The following ABCG2 variants were observed in gnomAD, a reference collection of about 807,000 sequenced individuals.
The protein encoded by ABCG2 is ATP binding cassette subfamily G member 2 (JR blood group).
In ABCG2, 80 loss-of-function variants were observed where a neutral mutation model predicts 73.5. The observed-to-expected ratio is 1.09, with a 90% confidence interval of 0.91 to 1.31. The LOEUF is 1.31. Among genes scored for constraint, ABCG2 ranks in the 50% most tolerant of loss-of-function variants. ABCG2 has a pLI of 0.00. For missense variants in ABCG2, 796 were observed against 786.2 expected, an observed-to-expected ratio of 1.01 and a Z score of -0.15; for synonymous variants, 269 against 282.4, an observed-to-expected ratio of 0.95 and a Z score of 0.48.
At chr4:88,219,240 T>C (rs557160585) in intron 1 of ABCG2, among the ~76,000 whole-genome samples, 2 of 152,336 alleles carry the variant, frequency 1.3e-5, no homozygotes, top group South Asian at 4.1e-4. Flanking sequence ...TTTTTCTCAG[T>C]ACACTGTTCC....
At chr4:88,190,156 C>T (rs1195898423) in intron 1 of ABCG2, among the ~76,000 whole-genome samples, 1 of 151,918 alleles carries the variant, frequency 6.6e-6, no homozygotes, top group African/African-American at 2.4e-5. Context: ...TTTCTTTTTT[C>T]TTTTTAAAAC....
intron 2 of ABCG2, among the ~76,000 whole-genome samples, chr4:88,139,201 T>G (rs140607466): frequency 1.3e-3 from 204 of 151,622 alleles, no homozygotes; most frequent in African/African-American, 4.6e-3. Context: ...ATCAAGTTAC[T>G]CATCTACTAA....
At chr4:88,201,552 A>G (rs1729164428) in intron 1 of ABCG2, among the ~76,000 whole-genome samples, 2 of 152,208 alleles carry the variant, frequency 1.3e-5, no homozygotes, top group Admixed American at 6.5e-5. Flanking sequence ...GGCAAATTAT[A>G]TCAAACATTG....
chr4:88,151,761 T>C lies in ABCG2; in HGVS notation c.-20+6625A>G, dbSNP rs190846986. ...CTCAAAAAAAAAAAAAAAGAATTATTAACAGAAAATTAAATGTGAGCAGCG... is the reference window on the plus strand; with the variant it reads ...CTCAAAAAAAAAAAAAAAGAATTATCAACAGAAAATTAAATGTGAGCAGCG... On this transcript the variant is annotated intron_variant, in intron 1 of 15. Coordinates refer to ENST00000237612, the MANE Select transcript of ABCG2 (RefSeq NM_004827.3). Among the ~76,000 whole-genome samples, 570 of 151,744 alleles carry C rather than the reference T, an allele frequency of 3.8e-3. 3 individuals carry two copies. The highest frequency in any genetic ancestry group is 0.012 in the African/African-American group (511 of 41,358).
intron 1 of ABCG2, among the ~76,000 whole-genome samples, chr4:88,228,765 C>T (rs533352478): frequency 5.8e-4 from 88 of 152,016 alleles, no homozygotes; most frequent in African/African-American, 2.1e-3. Context: ...GTAAATGCAC[C>T]AATCAGCACT....
chr4:88,112,446 C>T (rs561741053), intron 9 of ABCG2, among the ~76,000 whole-genome samples: 1 of 149,900 alleles, frequency 6.7e-6, no homozygotes, highest in South Asian at 2.2e-4. Flanking sequence ...CTCTCTCTTC[C>T]TCCCCTTTCT....
At chr4:88,178,130 T>A (rs1728084855) in intron 1 of ABCG2, among the ~76,000 whole-genome samples, 2 of 152,132 alleles carry the variant, frequency 1.3e-5, no homozygotes, top group South Asian at 4.1e-4. Flanking sequence ...TTACCCAAGC[T>A]CAGGCAGTGC....
chr4:88,097,984 G>C (rs1371635472), intron 12 of ABCG2, among the ~76,000 whole-genome samples: 3 of 152,156 alleles, frequency 2.0e-5, no homozygotes, highest in Admixed American at 2.0e-4. Context: ...GTGAGTGAAG[G>C]GACTGGGACG....
chr4:88,219,551 C>T (rs1394260817), intron 1 of ABCG2, among the ~76,000 whole-genome samples: 1 of 142,248 alleles, frequency 7.0e-6, no homozygotes, highest in East Asian at 2.1e-4. Flanking sequence ...GTAAAATATT[C>T]ATAATATAAA....
At chr4:88,201,065 A>G (rs952080537) in intron 1 of ABCG2, among the ~76,000 whole-genome samples, 2 of 152,028 alleles carry the variant, frequency 1.3e-5, no homozygotes, top group Non-Finnish European at 2.9e-5. Flanking sequence ...GAGTAAATTA[A>G]AGACAAATTA....
At chr4:88,115,668 T>C (rs1194060400) in intron 7 of ABCG2, among the ~76,000 whole-genome samples, 1 of 151,304 alleles carries the variant, frequency 6.6e-6, no homozygotes, top group Non-Finnish European at 1.5e-5. Context: ...CAAGCCAACC[T>C]TGGATTTGCA....
rs561476288 is a variant in ABCG2 at position 88,217,566 on chromosome 4, G to A, written c.-20+13428C>T. Reference sequence around the variant, plus strand: ...AGTCCCAGCTACTCAGGAGGCTCAGGAGGGAGAATTGCTTGAACCCAGTAG... The same window carrying A: ...AGTCCCAGCTACTCAGGAGGCTCAGAAGGGAGAATTGCTTGAACCCAGTAG... On this transcript the variant is annotated intron_variant, in intron 1 of 15. Coordinates refer to the ABCG2 transcript ENST00000515655. Among the ~76,000 whole-genome samples, 46 of 152,108 alleles carry A rather than the reference G, an allele frequency of 3.0e-4. 1 individual carries two copies. The South Asian group carries it at 9.6e-3, about 32-fold the overall frequency.
chr4:88,138,048 A>G (rs1343552820), intron 2 of ABCG2, among the ~76,000 whole-genome samples: 2 of 152,158 alleles, frequency 1.3e-5, no homozygotes, highest in Non-Finnish European at 2.9e-5. Context: ...CCAGAGGCTG[A>G]GGCGGGAGAA....
chr4:88,184,394 C>T (rs914445816), intron 1 of ABCG2, among the ~76,000 whole-genome samples: 2 of 152,074 alleles, frequency 1.3e-5, no homozygotes, highest in African/African-American at 2.4e-5. Context: ...AAATCAGTAG[C>T]ATTTCTATAT....
At chr4:88,200,170 C>CA (rs1729101987) in intron 1 of ABCG2, among the ~76,000 whole-genome samples, 1 of 151,920 alleles carries the variant, frequency 6.6e-6, no homozygotes, top group East Asian at 2.0e-4. Flanking sequence ...ACTAAAAATA[C>CA]AAAAAATCAG....
intron 1 of ABCG2, among the ~76,000 whole-genome samples, chr4:88,228,384 T>C (rs1730313522): frequency 6.6e-6 from 1 of 152,136 alleles, no homozygotes; most frequent in Non-Finnish European, 1.5e-5. Context: ...ATCTGCAGCC[T>C]TACAATCTAC....
chr4:88,159,001 C>G, upstream of ABCG2: 1 of 364,670 alleles, frequency 2.7e-6, no homozygotes. Flanking sequence ...GCGATAAGCG[C>G]CCTGCGACCC....
At chr4:88,128,999 C>G (rs1445902237) in intron 5 of ABCG2, among the ~76,000 whole-genome samples, 3 of 152,070 alleles carry the variant, frequency 2.0e-5, no homozygotes, top group Non-Finnish European at 4.4e-5. Context: ...GTTCAGAACA[C>G]TAAAAGATAG....
intron 10 of ABCG2, among the ~76,000 whole-genome samples, chr4:88,102,971 A>G (rs1393286586): frequency 6.6e-6 from 1 of 152,160 alleles, no homozygotes; most frequent in Non-Finnish European, 1.5e-5. Flanking sequence ...GTATAGTGGC[A>G]TGATCATAAA....
Sources: gnomAD v4.1 joint callset for allele counts (sites outside exome capture counted in the v4.1 genomes callset) on GRCh38, gnomAD v4.1.1 for gene constraint, MANE v1.5 for transcripts, NCBI Gene and HGNC (gene_info 2026-07-23, HGNC 2026-07-21) for gene names.